Variants in WDR27 observed in about 807,000 individuals in gnomAD.
WDR27 encodes WD repeat domain 27.
A neutral mutation model predicts 114.4 loss-of-function variants in WDR27; 100 were observed. That is an observed-to-expected ratio of 0.87 (90% CI 0.74 to 1.03). WDR27 has a LOEUF of 1.03. WDR27 is among the 50% of genes least tolerant of loss of function. WDR27 has a pLI of 0.00. For synonymous variants in WDR27, 449 were observed against 423.1 expected (o/e 1.06, Z -0.75); for missense variants, 1,129 against 1,092.9 (o/e 1.03, Z -0.47).
In WDR27 at chr6:169,667,160, T is replaced by G. The variant is rs1195009410; in HGVS notation, c.688A>C (p.Ile230Leu). The change falls in exon 6 of 26, where the codon ATA becomes CTA. Residue 230 changes from isoleucine (I) to leucine (L), a missense_variant. Physicochemically the swap from Ile to Leu is conservative, Grantham distance 5. Transcript: ENST00000448612. ...KVWDHCTGSLIYSSSVLSAYP... is the reference protein window; with the variant it reads ...KVWDHCTGSLLYSSSVLSAYP... ...CCTGATAACACAGATGAACTGTATATTAATGATCCTGTACAATGGTCCCAG... is the reference window on the plus strand; with the variant it reads ...CCTGATAACACAGATGAACTGTATAGTAATGATCCTGTACAATGGTCCCAG... The G allele has an allele frequency of 6.5e-7, 1 of 1,533,872 alleles. No individual in the cohort carries two copies. Among genetic ancestry groups the G allele is most frequent in the Non-Finnish European group, 8.8e-7 (1 of 1,141,600 alleles).
chr6:169,432,483 T>G, the WDR27 span, among the ~76,000 whole-genome samples: 1 of 152,158 alleles, frequency 6.6e-6, no homozygotes, highest in Non-Finnish European at 1.5e-5. Flanking sequence ...AATTAAATCA[T>G]GGGGGCAGTT....
chr6:169,483,540 G>C (rs1028207713), intron 25 of WDR27, among the ~76,000 whole-genome samples: 1 of 152,086 alleles, frequency 6.6e-6, no homozygotes, highest in Non-Finnish European at 1.5e-5. Context: ...CCAAAGCTCA[G>C]GATCAAATGT....
chr6:169,645,925 T>G (rs142039335), intron 16 of WDR27, among the ~76,000 whole-genome samples: 26 of 142,020 alleles, frequency 1.8e-4, no homozygotes, highest in Admixed American at 1.6e-3. Flanking sequence ...CTGTAGAAAA[T>G]CCTAGTTCAC....
chr6:169,502,069 C>T (rs1436504997), intron 25 of WDR27, among the ~76,000 whole-genome samples: 1 of 152,182 alleles, frequency 6.6e-6, no homozygotes, highest in South Asian at 2.1e-4. Flanking sequence ...CGCACCACCT[C>T]CCCCCAGGCT....
intron 6 of WDR27, chr6:169,666,328 T>A (rs1827811189): frequency 1.1e-6 from 1 of 937,502 alleles, no homozygotes; most frequent in Admixed American, 6.2e-5. Flanking sequence ...TCAGAAAGAA[T>A]GTTAAATCTT....
At chr6:169,571,954 TG>T (rs1408883028) in intron 25 of WDR27, among the ~76,000 whole-genome samples, 2 of 152,202 alleles carry the variant, frequency 1.3e-5, no homozygotes, top group African/African-American at 4.8e-5. Context: ...ACCCAGATAT[TG>T]GCACTGTCAG....
At chr6:169,649,107 G>C (rs892945411) in intron 15 of WDR27, 91 bp downstream of exon 15, 3 of 1,059,472 alleles carry the variant, frequency 2.8e-6, no homozygotes, top group South Asian at 2.7e-5. Context: ...CACATATAAG[G>C]TTTTATATCT....
intron 23 of WDR27, among the ~76,000 whole-genome samples, chr6:169,598,131 T>C (rs1022068632): frequency 1.3e-5 from 2 of 152,208 alleles, no homozygotes; most frequent in Non-Finnish European, 2.9e-5. Flanking sequence ...TGAACCTGAA[T>C]ATGAAGAATG....
At chr6:169,544,463 G>A (rs1239423805) in intron 25 of WDR27, among the ~76,000 whole-genome samples, 1 of 149,480 alleles carries the variant, frequency 6.7e-6, no homozygotes, top group Non-Finnish European at 1.5e-5. Flanking sequence ...GTTTGAGATG[G>A]AGTCTCGCTC....
the WDR27 span, among the ~76,000 whole-genome samples, chr6:169,442,318 C>G: frequency 6.6e-6 from 1 of 152,166 alleles, no homozygotes; most frequent in Non-Finnish European, 1.5e-5. Flanking sequence ...CAAGTAACTG[C>G]CAAGATTACT....
chr6:169,623,197 G>A (rs1469525314), intron 21 of WDR27, among the ~76,000 whole-genome samples: 2 of 152,002 alleles, frequency 1.3e-5, no homozygotes, highest in African/African-American at 2.4e-5. Flanking sequence ...CTGGTCGTGC[G>A]GCCCCCACCC....
rs1790151529 is a variant in WDR27, at chr6:169,494,428, A to AT, written c.2646-36795dup. The stretch of plus-strand genomic sequence containing the variant: ...CCTTCAGACTATAATCCACACCACT[A>AT]TAAGACTGGCAGTGCAATGGATTTG... On this transcript the variant is annotated intron_variant, in intron 25 of 25. Transcript: ENST00000448612. 2.6e-5 allele frequency among the ~76,000 whole-genome samples: 4 copies of AT among 152,152 alleles called. No individual in the cohort carries two copies. The South Asian group carries it at 8.3e-4, about 32-fold the overall frequency.
intron 13 of WDR27, 61 bp from the exon 14 acceptor site, chr6:169,652,069 A>G (rs1452178989): frequency 6.8e-6 from 10 of 1,466,666 alleles, no homozygotes; most frequent in Non-Finnish European, 9.5e-6. Context: ...CATGATGGAC[A>G]TGAGAAGAAC....
At chr6:169,562,333 A>T (rs1799787801) in intron 25 of WDR27, among the ~76,000 whole-genome samples, 1 of 152,376 alleles carries the variant, frequency 6.6e-6, no homozygotes, top group Non-Finnish European at 1.5e-5. Context: ...ATTGGAAATC[A>T]ATAAGAGTTG....
At chr6:169,496,601 T>TA (rs1291325175) in intron 25 of WDR27, among the ~76,000 whole-genome samples, 2 of 151,982 alleles carry the variant, frequency 1.3e-5, no homozygotes, top group African/African-American at 4.8e-5. Flanking sequence ...AGTAGCAGGA[T>TA]AAAAAATCAG....
chr6:169,535,214 T>C (rs1378412125), intron 25 of WDR27, among the ~76,000 whole-genome samples: 1 of 152,230 alleles, frequency 6.6e-6, no homozygotes, highest in African/African-American at 2.4e-5. Flanking sequence ...CTTTCATTGT[T>C]TGATACCTAA....
intron 15 of WDR27, among the ~76,000 whole-genome samples, chr6:169,648,534 G>C (rs1261361291): frequency 6.6e-6 from 1 of 152,260 alleles, no homozygotes; most frequent in African/African-American, 2.4e-5. Context: ...CAGGCAGAAC[G>C]TGGCAGGACA....
intron 23 of WDR27, among the ~76,000 whole-genome samples, chr6:169,600,432 T>C (rs1221947095): frequency 1.3e-5 from 2 of 152,062 alleles, no homozygotes; most frequent in African/African-American, 4.8e-5. Flanking sequence ...GGAATGCAGC[T>C]CCTCACCAGC....
chr6:169,578,194 T>C (rs1802766380), intron 24 of WDR27, among the ~76,000 whole-genome samples: 1 of 152,202 alleles, frequency 6.6e-6, no homozygotes, highest in African/African-American at 2.4e-5. Flanking sequence ...ACTGTGAAAG[T>C]GTGACATGGT....
Sources: gnomAD v4.1 joint callset for allele counts (sites outside exome capture counted in the v4.1 genomes callset) on GRCh38, gnomAD v4.1.1 for gene constraint, MANE v1.5 for transcripts, NCBI Gene and HGNC (gene_info 2026-07-23, HGNC 2026-07-21) for gene names.